APBA2: variants seen among roughly 807,000 people sequenced by gnomAD.
APBA2 encodes amyloid-beta A4 precursor protein-binding family A member 2.
APBA2 carries 30 observed loss-of-function variants against 75.0 expected under a neutral mutation model. The observed-to-expected ratio is 0.40, with a 90% confidence interval of 0.30 to 0.54. The LOEUF (loss-of-function observed/expected upper bound fraction) is 0.54, where lower values mean the gene tolerates loss of function less well. Among genes scored for constraint, APBA2 ranks in the 20% least tolerant of loss-of-function variants. The probability of loss-of-function intolerance (pLI) is 0.49; values close to 1 mark genes in which losing one functional copy is unlikely to be tolerated. For missense variants in APBA2, 801 were observed against 1,016.1 expected (o/e 0.79, Z 2.88); for synonymous variants, 444 against 409.6 (o/e 1.08, Z -1.01).
intron 3 of APBA2, among the ~76,000 whole-genome samples, chr15:29,048,421 G>A (rs2041443845): frequency 6.6e-6 from 1 of 152,070 alleles, no homozygotes; most frequent in Admixed American, 6.6e-5. Flanking sequence ...GGAATATTGG[G>A]GATACTTGGA....
At chr15:28,921,177 A>C (rs2033951909) in intron 1 of APBA2, among the ~76,000 whole-genome samples, 1 of 152,198 alleles carries the variant, frequency 6.6e-6, no homozygotes, top group African/African-American at 2.4e-5. Flanking sequence ...GTACTTTGAA[A>C]AAACAAGTTG....
intron 4 of APBA2, among the ~76,000 whole-genome samples, chr15:29,066,433 C>A (rs1203013890): frequency 1.3e-5 from 2 of 152,182 alleles, no homozygotes; most frequent in African/African-American, 2.4e-5. Flanking sequence ...AGACGTCCTG[C>A]TAAGTGCAAT....
At chr15:28,955,457 T>A (rs1308026443) in intron 2 of APBA2, among the ~76,000 whole-genome samples, 1 of 152,138 alleles carries the variant, frequency 6.6e-6, no homozygotes, top group African/African-American at 2.4e-5. Context: ...ATCCTGTGGC[T>A]TTTTTAGGCT....
chr15:28,936,188 C>T lies in APBA2; in HGVS notation c.-95+14439C>T, dbSNP rs926331712. Among the ~76,000 whole-genome samples, 6 of 152,164 alleles carry T rather than the reference C, an allele frequency of 3.9e-5. No homozygotes were observed. In the South Asian group the frequency reaches 6.2e-4, roughly 16 times the overall value. ...AGACGTGATGGTTTTGCGTTTGCTC[C>T]TCCAGTTGTGCCCCATAGCTGTCTT... On this transcript the variant is annotated intron_variant, in intron 2 of 14. Coordinates refer to ENST00000683413, the MANE Select transcript of APBA2 (RefSeq NM_001353788.2).
chr15:29,105,277 A>C (rs2044336264), intron 10 of APBA2, 102 bp from the exon 11 acceptor site: 1 of 1,197,330 alleles, frequency 8.4e-7, no homozygotes, highest in Non-Finnish European at 1.2e-6. Context: ...TTGAAGGCTT[A>C]TGGGTGCATC....
intron 6 of APBA2, among the ~76,000 whole-genome samples, chr15:29,084,205 C>A (rs1334934731): frequency 6.6e-6 from 1 of 152,180 alleles, no homozygotes; most frequent in African/African-American, 2.4e-5. Flanking sequence ...TTTTTCCTGG[C>A]ATGCAATCAT....
At chr15:28,945,349 A>G (rs1364812014) in intron 2 of APBA2, among the ~76,000 whole-genome samples, 1 of 152,134 alleles carries the variant, frequency 6.6e-6, no homozygotes, top group African/African-American at 2.4e-5. Flanking sequence ...GCAGCTGTCC[A>G]AGGCGCAGGA....
At position 29,108,278 on chromosome 15, in the gene APBA2, G is replaced by A. The variant is rs1423022257; in HGVS notation, c.1926G>A (p.Lys642=). 3 of 1,613,780 alleles carry A rather than the reference G, an allele frequency of 1.9e-6. No individual in the cohort carries two copies. The highest frequency in any genetic ancestry group is 2.5e-6 in the Non-Finnish European group (3 of 1,180,042). ...GTCCCCGTGCTCTGCAGGGCCTGAA[G>A]AACCAGACACAGGTGAAGCTCAACA... The part of the protein sequence containing the change: ...ATCQGIIKGL[K]NQTQVKLNIV... Residue 642 remains lysine (K), a synonymous_variant, in exon 13 of 15, where the codon AAG becomes AAA. Coordinates refer to ENST00000683413, the MANE Select transcript of APBA2 (RefSeq NM_001353788.2).
At chr15:29,012,360 T>C (rs1595724173) in intron 3 of APBA2, among the ~76,000 whole-genome samples, 1 of 152,306 alleles carries the variant, frequency 6.6e-6, no homozygotes, top group East Asian at 1.9e-4. Context: ...TGAGTGTGCT[T>C]GGCATTTTTC....
intron 14 of APBA2, among the ~76,000 whole-genome samples, chr15:29,115,638 G>GCT (rs1198064837): frequency 6.6e-6 from 1 of 152,168 alleles, no homozygotes; most frequent in Admixed American, 6.5e-5. Flanking sequence ...GTTTCCAGCA[G>GCT]CTCTGAGCCC....
chr15:28,913,257 C>T (rs940873508), intron 1 of APBA2, among the ~76,000 whole-genome samples: 1 of 152,224 alleles, frequency 6.6e-6, no homozygotes, highest in African/African-American at 2.4e-5. Context: ...GCCTTCCCAT[C>T]TGTCAGCTGG....
At chr15:28,990,497 A>G (rs1204043609) in intron 2 of APBA2, 1 of 152,214 alleles carries the variant, frequency 6.6e-6, no homozygotes, top group Non-Finnish European at 1.5e-5. Context: ...CAAATGTGTA[A>G]AAAGCGATAA....
intron 2 of APBA2, among the ~76,000 whole-genome samples, chr15:28,974,389 A>G (rs1002053789): frequency 6.6e-6 from 1 of 152,210 alleles, no homozygotes; most frequent in Non-Finnish European, 1.5e-5. Context: ...GTTCCAGGAC[A>G]TTGTGACTGC....
intron 14 of APBA2, among the ~76,000 whole-genome samples, chr15:29,115,131 G>C (rs1029766127): frequency 1.8e-4 from 28 of 151,904 alleles, no homozygotes; most frequent in Admixed American, 1.8e-3. Context: ...AGAGGGGCCC[G>C]CTGGGGACCG....
chr15:28,950,886 A>G (rs896447913), intron 2 of APBA2, among the ~76,000 whole-genome samples: 2 of 152,184 alleles, frequency 1.3e-5, no homozygotes, highest in African/African-American at 4.8e-5. Flanking sequence ...TTTATAATCC[A>G]GTGCTGTGTT....
intron 3 of APBA2, among the ~76,000 whole-genome samples, chr15:29,017,397 C>CTTTTTTTTT (rs56993296): frequency 9.7e-4 from 99 of 102,084 alleles, no homozygotes; most frequent in Non-Finnish European, 1.6e-3. Flanking sequence ...TTCTTTCTTT[C>CTTTTTTTTT]TTTTTTTTTT....
intron 3 of APBA2, among the ~76,000 whole-genome samples, chr15:29,012,575 C>T (rs2039454293): frequency 6.6e-6 from 1 of 152,202 alleles, no homozygotes; most frequent in South Asian, 2.1e-4. Flanking sequence ...TCTGTTCTCA[C>T]TCATTTATTT....
chr15:29,075,062 C>T, intron 5 of APBA2, 61 bp downstream of exon 5: 1 of 1,216,588 alleles, frequency 8.2e-7, no homozygotes, highest in Non-Finnish European at 1.2e-6. Context: ...TGGAGTGGCC[C>T]ACCGAGTTGT....
At chr15:29,051,125 T>C (rs374422032) in intron 3 of APBA2, among the ~76,000 whole-genome samples, 2 of 152,180 alleles carry the variant, frequency 1.3e-5, no homozygotes, top group Admixed American at 6.5e-5. Context: ...GCCTCTCTCT[T>C]GTGGCTGGCT....
Sources: allele counts gnomAD v4.1 joint callset (sites outside exome capture counted in the v4.1 genomes callset), GRCh38; gene constraint gnomAD v4.1.1; transcripts MANE v1.5; gene names NCBI Gene and HGNC (gene_info 2026-07-23, HGNC 2026-07-21).